RBFOX1: variants seen among roughly 807,000 people sequenced by gnomAD.
RBFOX1 encodes RNA binding fox-1 homolog 1.
Under a neutral mutation model 57.7 loss-of-function variants are expected in RBFOX1, and 8 were observed. The ratio of observed to expected loss-of-function variants is 0.14; its 90% CI spans 0.08 to 0.25. The LOEUF is 0.25. Among genes scored for constraint, RBFOX1 ranks in the 10% least tolerant of loss-of-function variants. The pLI, the probability that RBFOX1 is intolerant of heterozygous loss-of-function variation, is 1.00. For synonymous variants in RBFOX1, 326 were observed against 222.4 expected, an observed-to-expected ratio of 1.47 and a Z score of -4.15; for missense variants, 611 against 548.5, an observed-to-expected ratio of 1.11 and a Z score of -1.14.
intron 3 of RBFOX1, among the ~76,000 whole-genome samples, chr16:6,767,990 T>C (rs1326672922): frequency 1.5e-5 from 2 of 133,400 alleles, no homozygotes; most frequent in Admixed American, 1.4e-4. Flanking sequence ...GAAGAAGAAA[T>C]TATGGAGAAA....
intron 4 of RBFOX1, among the ~76,000 whole-genome samples, chr16:7,193,162 A>G (rs1413040604): frequency 2.0e-5 from 3 of 152,222 alleles, no homozygotes; most frequent in Non-Finnish European, 2.9e-5. Context: ...GGATGGATCC[A>G]ATAGGATTAC....
rs576390655 is a variant in RBFOX1 at position 5,341,282 on chromosome 16, A to G, written c.219+101177A>G. ...GAAGACCATTGGAAAATTTTGGGAT[A>G]GGGAATGGCATGGTCTGATTTATAT... On this transcript the variant is annotated intron_variant, in intron 1 of 2. Coordinates refer to the RBFOX1 transcript ENST00000585867. 4.0e-5 allele frequency among the ~76,000 whole-genome samples: 6 copies of G among 150,822 alleles called. No individual in the cohort carries two copies. In the South Asian group the frequency reaches 6.2e-4, roughly 16 times the overall value.
chr16:7,133,533 G>A (rs1296743217), intron 4 of RBFOX1, among the ~76,000 whole-genome samples: 1 of 152,122 alleles, frequency 6.6e-6, no homozygotes, highest in East Asian at 1.9e-4. Context: ...GACAAGACAA[G>A]GAGAAGAGAG....
chr16:5,813,273 TA>T (rs1425880956), intron 3 of RBFOX1, among the ~76,000 whole-genome samples: 5 of 152,322 alleles, frequency 3.3e-5, no homozygotes, highest in South Asian at 4.1e-4. Context: ...CCCAAACCTT[TA>T]ACCATTTTAA....
chr16:6,883,924 C>G (rs546731390), intron 3 of RBFOX1, among the ~76,000 whole-genome samples: 3 of 152,126 alleles, frequency 2.0e-5, no homozygotes, highest in East Asian at 1.9e-4. Context: ...ATCTTTACCC[C>G]AGGTACAAAT....
At chr16:7,658,443 C>G (rs892049942) in intron 12 of RBFOX1, among the ~76,000 whole-genome samples, 6 of 152,046 alleles carry the variant, frequency 3.9e-5, no homozygotes, top group Admixed American at 3.3e-4. Context: ...ATCCTGGACT[C>G]AATTTGACTG....
At chr16:5,490,366 G>A (rs2042786050) in intron 2 of RBFOX1, among the ~76,000 whole-genome samples, 1 of 152,210 alleles carries the variant, frequency 6.6e-6, no homozygotes, top group African/African-American at 2.4e-5. Context: ...GAGATTAGGA[G>A]CTTTGCTCAG....
chr16:7,363,527 T>G (rs1254769973), intron 4 of RBFOX1, among the ~76,000 whole-genome samples: 2 of 151,530 alleles, frequency 1.3e-5, no homozygotes, highest in African/African-American at 4.8e-5. Context: ...CGGGATCTTG[T>G]GGGCCTCTCA....
intron 3 of RBFOX1, among the ~76,000 whole-genome samples, chr16:6,862,804 G>C (rs774565347): frequency 5.9e-5 from 9 of 152,062 alleles, no homozygotes; most frequent in Non-Finnish European, 1.3e-4. Flanking sequence ...GGCCAAAATG[G>C]TGAAACCTCG....
chr16:7,145,083 C>T (rs1318087961), intron 4 of RBFOX1, among the ~76,000 whole-genome samples: 1 of 152,214 alleles, frequency 6.6e-6, no homozygotes, highest in African/African-American at 2.4e-5. Flanking sequence ...CCAATCCTAG[C>T]TTGACAGTGA....
chr16:7,196,323 A>G (rs530459445), intron 4 of RBFOX1, among the ~76,000 whole-genome samples: 64 of 152,260 alleles, frequency 4.2e-4, no homozygotes, highest in African/African-American at 1.5e-3. Context: ...AAGATGTCTC[A>G]GGGAATTTCT....
chr16:5,413,022 G>A (rs1474229110), intron 1 of RBFOX1, among the ~76,000 whole-genome samples: 1 of 152,188 alleles, frequency 6.6e-6, no homozygotes, highest in Non-Finnish European at 1.5e-5. Flanking sequence ...TCTGGATGAA[G>A]CCACTCTGGC....
chr16:5,564,425 C>A (rs2045991494), intron 2 of RBFOX1, among the ~76,000 whole-genome samples: 1 of 152,182 alleles, frequency 6.6e-6, no homozygotes, highest in Non-Finnish European at 1.5e-5. Context: ...ATTTGTCCTT[C>A]TACCGTCTTC....
At chr16:6,868,071 G>A (rs1002418025) in intron 3 of RBFOX1, among the ~76,000 whole-genome samples, 3 of 152,128 alleles carry the variant, frequency 2.0e-5, no homozygotes, top group African/African-American at 4.8e-5. Flanking sequence ...TTTGCCGTAT[G>A]GGTGTTGAGA....
At chr16:7,341,554 G>A (rs142847904) in intron 4 of RBFOX1, among the ~76,000 whole-genome samples, 25 of 152,202 alleles carry the variant, frequency 1.6e-4, no homozygotes, top group African/African-American at 5.1e-4. Context: ...CCCACTGACC[G>A]ACTCAGTATG....
chr16:5,427,794 T>A (rs896700307), intron 1 of RBFOX1, among the ~76,000 whole-genome samples: 24 of 151,844 alleles, frequency 1.6e-4, no homozygotes, highest in Non-Finnish European at 3.2e-4. Flanking sequence ...CATTAGAGAG[T>A]CAACCTGCTG....
At chr16:7,406,269 A>G (rs969819604) in intron 4 of RBFOX1, among the ~76,000 whole-genome samples, 7 of 152,182 alleles carry the variant, frequency 4.6e-5, no homozygotes, top group Non-Finnish European at 7.4e-5. Flanking sequence ...TGGGCCTACT[A>G]TGTGCCAAAT....
intron 2 of RBFOX1, among the ~76,000 whole-genome samples, chr16:6,332,101 A>G (rs1362527354): frequency 6.6e-6 from 1 of 152,192 alleles, no homozygotes; most frequent in Non-Finnish European, 1.5e-5. Context: ...GTTAGATGTA[A>G]ATGGAAGACG....
At chr16:6,861,931 G>T (rs1338258437) in intron 3 of RBFOX1, among the ~76,000 whole-genome samples, 1 of 150,676 alleles carries the variant, frequency 6.6e-6, no homozygotes, top group Non-Finnish European at 1.5e-5. Context: ...ACTGGCAGGG[G>T]GTCTGCAAAC....
Sources: allele counts gnomAD v4.1 joint callset (sites outside exome capture counted in the v4.1 genomes callset), GRCh38; gene constraint gnomAD v4.1.1; transcripts MANE v1.5; gene names NCBI Gene and HGNC (gene_info 2026-07-23, HGNC 2026-07-21).